Variants in EPS15 observed in about 807,000 individuals in gnomAD.
EPS15 encodes the protein epidermal growth factor receptor substrate 15.
EPS15 carries 72 observed loss-of-function variants against 113.8 expected under a neutral mutation model. That is an observed-to-expected ratio of 0.63 (90% CI 0.52 to 0.77). EPS15 has a LOEUF of 0.77. EPS15 is among the 30% of genes least tolerant of loss of function. EPS15 has a pLI of 0.00. For synonymous variants in EPS15, 344 were observed against 363.4 expected (o/e 0.95, Z 0.61); for missense variants, 1,048 against 1,045.8 (o/e 1.00, Z -0.03).
intron 21 of EPS15, among the ~76,000 whole-genome samples, chr1:51,386,257 A>G (rs1647069419): frequency 6.6e-6 from 1 of 152,224 alleles, no homozygotes; most frequent in African/African-American, 2.4e-5. Context: ...TAGGATGAAA[A>G]GGAAACAGAT....
intron 2 of EPS15, among the ~76,000 whole-genome samples, chr1:51,474,187 T>A (rs1655438053): frequency 6.6e-6 from 1 of 152,254 alleles, no homozygotes; most frequent in African/African-American, 2.4e-5. Context: ...TTCTGAGGTA[T>A]TCTGCTGCTT....
Position 51,440,329 on chromosome 1 carries a change from T to A in EPS15, c.1040+18A>T, listed in dbSNP as rs1248525963. The A allele has an allele frequency of 3.5e-6, 4 of 1,154,860 alleles. No individual in the cohort carries two copies. The South Asian group carries it at 5.3e-5, about 15-fold the overall frequency. The allele number at this position is 1,154,860 out of a possible 1,614,324, so 71.5% of individuals were successfully genotyped here. A position where few individuals can be genotyped will look rare whatever the true frequency, so the allele number is the denominator to read the frequency against. On this transcript the variant is annotated intron_variant, in intron 12 of 24. Coordinates refer to ENST00000371733, the MANE Select transcript of EPS15 (RefSeq NM_001981.3). ...TGTGTGTGTGTATGTGAGTAGGCTG[T>A]AATTTTGCTTTACATACCTCTGTAG...
intron 19 of EPS15, 102 bp downstream of exon 19, chr1:51,400,816 T>C (rs951403923): frequency 2.0e-5 from 11 of 538,626 alleles, no homozygotes; most frequent in South Asian, 3.3e-5. Flanking sequence ...GCCAGGCACA[T>C]AGAGCATCTT....
At chr1:51,462,416 A>C (rs1275838) in intron 7 of EPS15, among the ~76,000 whole-genome samples, 1 of 152,146 alleles carries the variant, frequency 6.6e-6, no homozygotes, top group South Asian at 2.1e-4. Context: ...AGAGTAGTTA[A>C]GATTTGAAAT....
At chr1:51,427,362 T>C (rs1651314583) in intron 12 of EPS15, among the ~76,000 whole-genome samples, 1 of 152,350 alleles carries the variant, frequency 6.6e-6, no homozygotes, top group African/African-American at 2.4e-5. Context: ...CTTGTCACTA[T>C]GCTATACTTA....
intron 2 of EPS15, among the ~76,000 whole-genome samples, chr1:51,474,857 G>A (rs1462302474): frequency 8.0e-6 from 1 of 124,794 alleles, no homozygotes; most frequent in Non-Finnish European, 1.6e-5. Flanking sequence ...AAAGGCCACG[G>A]TGTGTGATGT....
chr1:51,448,030 A>G lies in EPS15; in HGVS notation c.651+16T>C, dbSNP rs1653209121. 6.2e-7 allele frequency: 1 copy of G among 1,612,378 alleles called. No individual in the cohort carries two copies. The stretch of plus-strand genomic sequence containing the variant: ...GCTGAAGAGGGGATCAACCGCACAG[A>G]GCCTGATATACTGACCGTTTTTCTC... On this transcript the variant is annotated intron_variant, in intron 9 of 24. Transcript: ENST00000371733.
At chr1:51,474,925 T>C (rs1226315636) in intron 2 of EPS15, among the ~76,000 whole-genome samples, 1 of 146,072 alleles carries the variant, frequency 6.8e-6, no homozygotes, top group East Asian at 2.1e-4. Context: ...AGTGAGAACA[T>C]GCGGTGTTTG....
At chr1:51,409,421 G>A in intron 14 of EPS15, 114 bp downstream of exon 14, 3 of 978,022 alleles carry the variant, frequency 3.1e-6, no homozygotes, top group South Asian at 3.5e-5. Context: ...CCCAAATGCT[G>A]ACTGGATTGC....
At chr1:51,442,591 C>T (rs757106546) in intron 11 of EPS15, among the ~76,000 whole-genome samples, 44 of 151,878 alleles carry the variant, frequency 2.9e-4, no homozygotes, top group Non-Finnish European at 3.5e-4. Context: ...TTTTCTCTTA[C>T]CCTATTCTTG....
At chr1:51,483,833 G>A (rs867279902) in intron 1 of EPS15, among the ~76,000 whole-genome samples, 19 of 151,836 alleles carry the variant, frequency 1.3e-4, no homozygotes, top group Admixed American at 6.6e-4. Context: ...TCAGACGGAT[G>A]TGGTGGTTCA....
intron 21 of EPS15, chr1:51,372,734 T>G (rs1453232326): frequency 2.4e-6 from 1 of 412,136 alleles, no homozygotes; most frequent in African/African-American, 2.1e-5. Context: ...AGCATGTGGC[T>G]AATGAAACTG....
intron 12 of EPS15, among the ~76,000 whole-genome samples, chr1:51,435,103 TA>T (rs1045370241): frequency 1.5e-4 from 22 of 148,796 alleles, no homozygotes; most frequent in East Asian, 1.9e-4. Flanking sequence ...GCAGAATATT[TA>T]AAAAAAAAAA....
chr1:51,419,832 C>T (rs1360093695), intron 13 of EPS15, among the ~76,000 whole-genome samples: 2 of 151,958 alleles, frequency 1.3e-5, no homozygotes, highest in African/African-American at 4.8e-5. Context: ...TTATTACCAC[C>T]TATGGTAAGT....
intron 6 of EPS15, among the ~76,000 whole-genome samples, chr1:51,464,744 A>G (rs1654725534): frequency 6.6e-6 from 1 of 152,214 alleles, no homozygotes; most frequent in African/African-American, 2.4e-5. Flanking sequence ...CACAGCATAC[A>G]AAGACATACA....
intron 1 of EPS15, among the ~76,000 whole-genome samples, chr1:51,490,062 G>A (rs1644202841): frequency 6.6e-6 from 1 of 152,104 alleles, no homozygotes; most frequent in Admixed American, 6.5e-5. Flanking sequence ...GTATCAAGTA[G>A]TAATAAAAAA....
chr1:51,448,670 T>C (rs1204751031), intron 8 of EPS15, among the ~76,000 whole-genome samples: 1 of 152,180 alleles, frequency 6.6e-6, no homozygotes, highest in African/African-American at 2.4e-5. Context: ...ATAATATACT[T>C]TGTTAGCTAA....
At chr1:51,501,398 C>A (rs760030775) in intron 1 of EPS15, among the ~76,000 whole-genome samples, 3 of 151,998 alleles carry the variant, frequency 2.0e-5, no homozygotes, top group Non-Finnish European at 4.4e-5. Context: ...AAGCGAAACT[C>A]CAACTCTGTC....
intron 24 of EPS15, among the ~76,000 whole-genome samples, chr1:51,357,426 A>ATATATATATATATTTTT (rs1443627608): frequency 1.9e-5 from 1 of 53,526 alleles, no homozygotes; most frequent in African/African-American, 9.7e-5. Context: ...ATATATATAT[A>ATATATATATATATTTTT]TTTTTTTTTT....
Sources: allele counts gnomAD v4.1 joint callset (sites outside exome capture counted in the v4.1 genomes callset), GRCh38; gene constraint gnomAD v4.1.1; transcripts MANE v1.5; gene names NCBI Gene and HGNC (gene_info 2026-07-23, HGNC 2026-07-21).